EXOC4: variants seen among roughly 807,000 people sequenced by gnomAD.
The protein encoded by EXOC4 is exocyst complex component 4, also known as SEC8-like 1.
EXOC4 carries 71 observed loss-of-function variants against 107.2 expected under a neutral mutation model. That is an observed-to-expected ratio of 0.66 (90% CI 0.55 to 0.81). The LOEUF (loss-of-function observed/expected upper bound fraction) is 0.81, where lower values mean the gene tolerates loss of function less well. EXOC4 is among the 30% of genes least tolerant of loss of function. EXOC4 has a pLI of 0.00. For missense variants in EXOC4, 1,108 were observed against 1,189.6 expected (o/e 0.93, Z 1.01); for synonymous variants, 456 against 441.2 (o/e 1.03, Z -0.42).
intron 1 of EXOC4, among the ~76,000 whole-genome samples, chr7:133,258,435 T>C (rs1250939452): frequency 6.6e-6 from 1 of 152,314 alleles, no homozygotes; most frequent in African/African-American, 2.4e-5. Flanking sequence ...TGAAACTTGC[T>C]GTATTACCTG....
At chr7:133,397,133 T>TCTTTTC (rs1410402781) in intron 7 of EXOC4, among the ~76,000 whole-genome samples, 1 of 150,312 alleles carries the variant, frequency 6.7e-6, no homozygotes, top group Non-Finnish European at 1.5e-5. Flanking sequence ...GGTTTTCTTT[T>TCTTTTC]CTTTTTTTTT....
At chr7:133,925,913 C>T (rs772889412) in intron 13 of EXOC4, among the ~76,000 whole-genome samples, 1 of 151,870 alleles carries the variant, frequency 6.6e-6, no homozygotes, top group Admixed American at 6.6e-5. Context: ...GTTATACGTG[C>T]CTGTAATCCC....
intron 17 of EXOC4, among the ~76,000 whole-genome samples, chr7:134,032,175 G>A (rs2116481027): frequency 6.6e-6 from 1 of 152,272 alleles, no homozygotes; most frequent in East Asian, 1.9e-4. Context: ...GCATACTGAA[G>A]TTTTTTCTTA....
chr7:133,769,200 T>G (rs1353537921), intron 10 of EXOC4, among the ~76,000 whole-genome samples: 2 of 152,016 alleles, frequency 1.3e-5, no homozygotes, highest in Non-Finnish European at 2.9e-5. Flanking sequence ...ATGGCACACG[T>G]ATGCCTGTGT....
chr7:133,499,002 G>A (rs923443888), intron 9 of EXOC4, among the ~76,000 whole-genome samples: 15 of 150,658 alleles, frequency 1.0e-4, no homozygotes, highest in African/African-American at 3.2e-4. Context: ...ATTTTATATC[G>A]TGCTTATTAA....
intron 10 of EXOC4, among the ~76,000 whole-genome samples, chr7:133,813,729 T>C (rs1348562791): frequency 1.3e-5 from 2 of 152,194 alleles, no homozygotes; most frequent in Admixed American, 6.5e-5. Context: ...TTCTTTCACA[T>C]TGATAACATC....
chr7:133,939,203 T>C (rs1273976781), intron 14 of EXOC4, among the ~76,000 whole-genome samples: 2 of 152,212 alleles, frequency 1.3e-5, no homozygotes, highest in African/African-American at 2.4e-5. Flanking sequence ...ATTTGGACTG[T>C]ACATGTCAGA....
intron 5 of EXOC4, among the ~76,000 whole-genome samples, chr7:133,345,656 G>GT (rs1332013688): frequency 6.6e-6 from 1 of 152,034 alleles, no homozygotes; most frequent in African/African-American, 2.4e-5. Flanking sequence ...CCTAATAGAG[G>GT]TTTTTACTCT....
intron 9 of EXOC4, among the ~76,000 whole-genome samples, chr7:133,581,238 T>C (rs1012961422): frequency 1.1e-4 from 17 of 152,194 alleles, no homozygotes; most frequent in African/African-American, 3.4e-4. Flanking sequence ...AGAACCTTAT[T>C]TGACAGCTGA....
At chr7:133,550,919 T>A (rs1002558882) in intron 9 of EXOC4, among the ~76,000 whole-genome samples, 1 of 151,964 alleles carries the variant, frequency 6.6e-6, no homozygotes, top group African/African-American at 2.4e-5. Context: ...GTGGGCCCAA[T>A]TCAGTCAGCA....
chr7:133,714,885 C>A (rs938593891), intron 10 of EXOC4, among the ~76,000 whole-genome samples: 1 of 152,138 alleles, frequency 6.6e-6, no homozygotes, highest in Non-Finnish European at 1.5e-5. Context: ...TACTCTGCTA[C>A]TGTGTGACCT....
At chr7:133,852,794 TAAA>T (rs1269235517) in intron 11 of EXOC4, among the ~76,000 whole-genome samples, 1 of 152,194 alleles carries the variant, frequency 6.6e-6, no homozygotes, top group Non-Finnish European at 1.5e-5. Flanking sequence ...TCTTGTTTGA[TAAA>T]AAACATTTTT....
At chr7:133,637,970 G>T (rs897615522) in intron 10 of EXOC4, among the ~76,000 whole-genome samples, 1 of 152,120 alleles carries the variant, frequency 6.6e-6, no homozygotes, top group Non-Finnish European at 1.5e-5. Context: ...TTCTAAAGAG[G>T]TGAGGCATCC....
chr7:133,500,174 A>G (rs1243685818), intron 9 of EXOC4, among the ~76,000 whole-genome samples: 1 of 152,274 alleles, frequency 6.6e-6, no homozygotes, highest in African/African-American at 2.4e-5. Flanking sequence ...ATCCACATTT[A>G]TTTAAAATGA....
chr7:133,888,288 A>G (rs1799130595), intron 11 of EXOC4, among the ~76,000 whole-genome samples: 1 of 152,216 alleles, frequency 6.6e-6, no homozygotes, highest in Non-Finnish European at 1.5e-5. Flanking sequence ...AAGCATAATA[A>G]AAATGCCTTT....
chr7:133,312,677 G>T lies in EXOC4; in HGVS notation c.657-4607G>T, dbSNP rs1251181083. Among the ~76,000 whole-genome samples, 8 of 151,976 alleles carry T rather than the reference G, an allele frequency of 5.3e-5. No homozygotes were observed. In the South Asian group the frequency reaches 8.3e-4, roughly 16 times the overall value. On this transcript the variant is annotated intron_variant, in intron 4 of 17. Transcript: ENST00000253861. ...GTGCCATTTTTGTGTTGTGTGACGT[G>T]GGGGGTGGATGGACAGACACTCATT...
chr7:133,470,890 T>C (rs80263288), intron 7 of EXOC4, among the ~76,000 whole-genome samples: 2,169 of 152,334 alleles, frequency 0.014, 59 homozygotes, highest in African/African-American at 0.05. Flanking sequence ...GCTTGTTTAC[T>C]TTTATGAAAA....
intron 7 of EXOC4, among the ~76,000 whole-genome samples, chr7:133,424,136 G>C (rs937201311): frequency 6.6e-6 from 1 of 152,134 alleles, no homozygotes; most frequent in Admixed American, 6.5e-5. Flanking sequence ...GGGAATAAAA[G>C]CAGGCCACCC....
At chr7:133,453,581 CTTAA>C (rs756728735) in intron 7 of EXOC4, among the ~76,000 whole-genome samples, 108 of 152,058 alleles carry the variant, frequency 7.1e-4, no homozygotes, top group South Asian at 1.0e-3. Context: ...AGAGAATCTC[CTTAA>C]TTGTTTTTTT....
Sources: allele counts gnomAD v4.1 joint callset (sites outside exome capture counted in the v4.1 genomes callset), GRCh38; gene constraint gnomAD v4.1.1; transcripts MANE v1.5; gene names NCBI Gene and HGNC (gene_info 2026-07-23, HGNC 2026-07-21).